Variants in LAMA2 observed in about 807,000 individuals in gnomAD.
LAMA2 encodes laminin subunit alpha-2.
A neutral mutation model predicts 364.8 loss-of-function variants in LAMA2; 269 were observed. The observed-to-expected ratio is 0.74, with a 90% confidence interval of 0.67 to 0.82. The LOEUF (loss-of-function observed/expected upper bound fraction) is 0.82, where lower values mean the gene tolerates loss of function less well. Ranked by LOEUF, LAMA2 falls within the 40% of genes least tolerant of loss-of-function variation. LAMA2 has a pLI of 0.00. For synonymous variants in LAMA2, 1,379 were observed against 1,370.6 expected (o/e 1.01, Z -0.14); for missense variants, 3,807 against 3,873.2 (o/e 0.98, Z 0.45).
intron 12 of LAMA2, among the ~76,000 whole-genome samples, chr6:129,199,121 A>T (rs1477486880): frequency 1.3e-5 from 2 of 152,160 alleles, no homozygotes; most frequent in African/African-American, 4.8e-5. Context: ...TTAACAACCC[A>T]AATCCATCAG....
intron 12 of LAMA2, among the ~76,000 whole-genome samples, chr6:129,227,310 T>G (rs778265787): frequency 6.6e-6 from 1 of 152,192 alleles, no homozygotes; most frequent in African/African-American, 2.4e-5. Flanking sequence ...TTTGATCGTC[T>G]GAAGCCTTCT....
intron 2 of LAMA2, among the ~76,000 whole-genome samples, chr6:129,050,420 A>G (rs964150694): frequency 1.3e-5 from 2 of 152,172 alleles, no homozygotes; most frequent in Non-Finnish European, 2.9e-5. Flanking sequence ...TGTGCCAGAT[A>G]TTGTGCCTGA....
chr6:129,026,590 C>T (rs1785841562), intron 1 of LAMA2, among the ~76,000 whole-genome samples: 1 of 152,034 alleles, frequency 6.6e-6, no homozygotes, highest in African/African-American at 2.4e-5. Flanking sequence ...ATTCTATTTC[C>T]CAAATAACTT....
intron 22 of LAMA2, among the ~76,000 whole-genome samples, chr6:129,307,518 C>A (rs749901132): frequency 1.3e-5 from 2 of 152,212 alleles, no homozygotes; most frequent in South Asian, 2.1e-4. Context: ...AGCTATAATG[C>A]GGGCTTTGGG....
chr6:128,929,156 G>C, intron 1 of LAMA2: 1 of 1,435,364 alleles, frequency 7.0e-7, no homozygotes, highest in Non-Finnish European at 9.8e-7. Flanking sequence ...AGGATCCAAT[G>C]GCCGGTAGAT....
chr6:129,378,435 G>A (rs1432399136), intron 34 of LAMA2, among the ~76,000 whole-genome samples: 3 of 152,156 alleles, frequency 2.0e-5, no homozygotes, highest in African/African-American at 7.2e-5. Flanking sequence ...TTTGTCATAG[G>A]CTTCTTTATG....
chr6:128,914,728 CA>C (rs1293269839), intron 1 of LAMA2, among the ~76,000 whole-genome samples: 1 of 152,100 alleles, frequency 6.6e-6, no homozygotes, highest in African/African-American at 2.4e-5. Context: ...ATGTGCTAAT[CA>C]GATAATTCTT....
At chr6:129,354,671 A>G (rs1777052870) in intron 32 of LAMA2, among the ~76,000 whole-genome samples, 1 of 152,176 alleles carries the variant, frequency 6.6e-6, no homozygotes, top group Non-Finnish European at 1.5e-5. Context: ...CTTGAAATAA[A>G]AAGATCATAT....
In LAMA2 at chr6:129,291,717, C is replaced by G; in HGVS notation, c.2853C>G (p.Cys951Trp). The G allele has an allele frequency of 6.2e-7, 1 of 1,605,502 alleles. No homozygotes were observed. Among genetic ancestry groups the G allele is most frequent in the Non-Finnish European group, 8.5e-7 (1 of 1,172,254 alleles). Reference protein sequence around the residue: ...ANVQGQRCDKCKAGTFGLQSA... With the variant: ...ANVQGQRCDKWKAGTFGLQSA... The stretch of plus-strand genomic sequence containing the variant: ...TTCAGGGTCAGAGATGTGACAAATG[C>G]AAGGTAAGGAGTAGAGGCTGACCCA... Residue 951 changes from cysteine (C) to tryptophan (W), a missense_variant, in exon 20 of 65, where the codon TGC becomes TGG. Physicochemically the swap from Cys to Trp is radical, Grantham distance 215. Around this residue, in one of 3 missense-constraint regions of LAMA2, gnomAD observed 3,333 missense variants for 3,345.7 expected, o/e 1.00. Transcript: ENST00000421865.
intron 12 of LAMA2, among the ~76,000 whole-genome samples, chr6:129,227,720 G>A (rs1055046945): frequency 5.3e-5 from 8 of 152,108 alleles, no homozygotes; most frequent in Non-Finnish European, 1.2e-4. Flanking sequence ...CGGCCGTGTG[G>A]GATGTCAGTC....
intron 32 of LAMA2, among the ~76,000 whole-genome samples, chr6:129,359,788 G>T (rs555415085): frequency 6.6e-6 from 1 of 152,022 alleles, no homozygotes; most frequent in Non-Finnish European, 1.5e-5. Context: ...CCTCATTTTA[G>T]CTTCAGCTTC....
chr6:129,098,117 A>G, intron 3 of LAMA2, 56 bp from the exon 4 acceptor site: 4 of 1,567,274 alleles, frequency 2.6e-6, no homozygotes, highest in Non-Finnish European at 3.5e-6. Context: ...TATTTGACAT[A>G]AAATGATGAG....
intron 1 of LAMA2, among the ~76,000 whole-genome samples, chr6:129,034,586 T>C (rs111450120): frequency 6.4e-4 from 97 of 152,180 alleles, no homozygotes; most frequent in Non-Finnish European, 1.2e-3. Flanking sequence ...ATGGTGAACA[T>C]TGTATTCAGT....
At chr6:129,351,674 TCC>T (rs1776861000) in intron 31 of LAMA2, among the ~76,000 whole-genome samples, 4 of 152,162 alleles carry the variant, frequency 2.6e-5, no homozygotes, top group Non-Finnish European at 5.9e-5. Context: ...TTCTTGAGTA[TCC>T]CTGTAATATA....
At chr6:129,078,070 G>A (rs1019444459) in intron 3 of LAMA2, among the ~76,000 whole-genome samples, 1 of 152,128 alleles carries the variant, frequency 6.6e-6, no homozygotes, top group Non-Finnish European at 1.5e-5. Context: ...TCTACTGGGG[G>A]ATAGTGATAA....
intron 1 of LAMA2, among the ~76,000 whole-genome samples, chr6:128,989,027 T>C (rs548038694): frequency 6.6e-6 from 1 of 152,316 alleles, no homozygotes; most frequent in African/African-American, 2.4e-5. Context: ...AGATGTAAAA[T>C]GCTTAAAAAG....
chr6:129,436,446 T>C (rs1781836442), intron 41 of LAMA2, among the ~76,000 whole-genome samples: 1 of 152,196 alleles, frequency 6.6e-6, no homozygotes, highest in Non-Finnish European at 1.5e-5. Context: ...TGTATGAACA[T>C]GCTGTGTGGA....
chr6:128,980,883 G>GA (rs1782822816), intron 1 of LAMA2, among the ~76,000 whole-genome samples: 1 of 152,134 alleles, frequency 6.6e-6, no homozygotes, highest in Non-Finnish European at 1.5e-5. Flanking sequence ...AAATAAACCT[G>GA]AAACGCGAAT....
chr6:129,351,267 G>A (rs1776838485), intron 31 of LAMA2, among the ~76,000 whole-genome samples: 3 of 152,106 alleles, frequency 2.0e-5, no homozygotes, highest in Admixed American at 2.0e-4. Flanking sequence ...GAATAGGCTA[G>A]AAGGGTACAC....
Sources: gnomAD v4.1 joint callset for allele counts (sites outside exome capture counted in the v4.1 genomes callset) on GRCh38, gnomAD v4.1.1 for gene constraint, gnomAD v4.1.1 regional missense constraint, MANE v1.5 for transcripts, NCBI Gene and HGNC (gene_info 2026-07-23, HGNC 2026-07-21) for gene names.